The following C1orf198 variants were observed in gnomAD, a reference collection of about 807,000 sequenced individuals.
The protein encoded by C1orf198 is chromosome 1 open reading frame 198.
In C1orf198, 17 loss-of-function variants were observed where a neutral mutation model predicts 31.4. The observed-to-expected ratio is 0.54, with a 90% confidence interval of 0.37 to 0.81. The LOEUF is 0.81. Ranked by LOEUF, C1orf198 falls within the 40% of genes least tolerant of loss-of-function variation. The probability of loss-of-function intolerance (pLI) is 0.00; values close to 1 mark genes in which losing one functional copy is unlikely to be tolerated. For missense variants in C1orf198, 401 were observed against 450.3 expected, an observed-to-expected ratio of 0.89 and a Z score of 0.99; for synonymous variants, 175 against 193.8, an observed-to-expected ratio of 0.90 and a Z score of 0.81.
intron 1 of C1orf198, among the ~76,000 whole-genome samples, chr1:230,863,220 T>C (rs1401876167): frequency 6.6e-6 from 1 of 152,170 alleles, no homozygotes; most frequent in Non-Finnish European, 1.5e-5. Flanking sequence ...CCATGGGGCA[T>C]GTTTTCCACC....
chr1:230,853,281 G>A (rs1669789502), intron 2 of C1orf198, among the ~76,000 whole-genome samples: 1 of 152,134 alleles, frequency 6.6e-6, no homozygotes, highest in African/African-American at 2.4e-5. Flanking sequence ...CAGTTGAGAG[G>A]TAACAAGAAA....
rs1184985901 is a variant in C1orf198 at position 230,843,933 on chromosome 1, G to A, written c.385-37C>T. 6.7e-7 allele frequency: 1 copy of A among 1,492,392 alleles called. No individual in the cohort carries two copies. The highest frequency in any genetic ancestry group is 2.3e-5 in the East Asian group (1 of 43,724). 92.4% of individuals were successfully genotyped at this position (1,492,392 alleles called of 1,614,324 possible). On this transcript the variant is annotated intron_variant, in intron 2 of 3. Coordinates refer to ENST00000366663, the MANE Select transcript of C1orf198 (RefSeq NM_032800.3). The surrounding 1 kb of genome is among the most constrained non-coding windows in gnomAD (Gnocchi z 4.9). ...CATGAGAAAGGACAGAAAAAAGAAA[G>A]AGATCCTGAGAATCGACCGTCACAA...
chr1:230,856,070 T>C (rs1322689204), intron 1 of C1orf198: 2 of 882,694 alleles, frequency 2.3e-6, no homozygotes, highest in Non-Finnish European at 2.8e-6. Flanking sequence ...AATGATTAGC[T>C]GTGTGGCCAT....
rs1406723501 is a variant in C1orf198 at position 230,843,910 on chromosome 1, T to C, written c.385-14A>G. On this transcript the variant is annotated splice_polypyrimidine_tract_variant and intron_variant, in intron 2 of 3. Transcript: ENST00000366663. The surrounding 1 kb of genome is among the most constrained non-coding windows in gnomAD (Gnocchi z 4.9). Reference sequence around the variant, plus strand: ...CTCCATCTGACTCTAGGGTGGGACATGAGAAAGGACAGAAAAAAGAAAGAG... The same window carrying C: ...CTCCATCTGACTCTAGGGTGGGACACGAGAAAGGACAGAAAAAAGAAAGAG... 26 of 1,499,840 alleles carry C rather than the reference T, an allele frequency of 1.7e-5. No individual in the cohort carries two copies. Among genetic ancestry groups the C allele is most frequent in the Admixed American group, 1.6e-4 (7 of 43,786 alleles). The allele number at this position is 1,499,840 out of a possible 1,614,324, so 92.9% of individuals were successfully genotyped here. A position where few individuals can be genotyped will look rare whatever the true frequency, so the allele number is the denominator to read the frequency against.
chr1:230,850,469 G>A (rs564704173), intron 2 of C1orf198, among the ~76,000 whole-genome samples: 8 of 152,364 alleles, frequency 5.3e-5, no homozygotes, highest in East Asian at 1.9e-4. Flanking sequence ...GTGGATAGGG[G>A]TCAGGGGACG....
upstream of C1orf198, chr1:230,868,734 C>T (rs1670189032): frequency 5.2e-6 from 1 of 190,918 alleles, no homozygotes; most frequent in Non-Finnish European, 1.0e-5. Flanking sequence ...CCGCCACCCC[C>T]TCGCGGACCC....
At chr1:230,842,213 T>C (rs1020436407) in intron 3 of C1orf198, among the ~76,000 whole-genome samples, 4 of 152,166 alleles carry the variant, frequency 2.6e-5, no homozygotes, top group African/African-American at 9.7e-5. Context: ...TGGATGGTAG[T>C]GATGGTTACA....
At chr1:230,867,924 G>A (rs917102357) in intron 1 of C1orf198, among the ~76,000 whole-genome samples, 1 of 152,138 alleles carries the variant, frequency 6.6e-6, no homozygotes, top group Non-Finnish European at 1.5e-5. Context: ...TGGAGTCCGT[G>A]CGAGCCGGCG....
At chr1:230,866,281 T>A (rs1011888343) in intron 1 of C1orf198, among the ~76,000 whole-genome samples, 4 of 152,230 alleles carry the variant, frequency 2.6e-5, no homozygotes, top group Non-Finnish European at 5.9e-5. Flanking sequence ...CATGTTCCTA[T>A]GTACCTCTGT....
rs1669495293 is a variant in C1orf198 at position 230,843,288 on chromosome 1, A to T, written c.927+66T>A. The T allele has an allele frequency of 6.6e-7, 1 of 1,508,172 alleles. No individual in the cohort carries two copies. The highest frequency in any genetic ancestry group is 1.3e-5 in the South Asian group (1 of 77,486). The allele number at this position is 1,508,172 out of a possible 1,614,324, so 93.4% of individuals were successfully genotyped here. ...CTGTGGCCTGCCTGCTTTGTGGGGG[A>T]CCCTCTCGGTTCCCGTGGAATAAGG... On this transcript the variant is annotated intron_variant, in intron 3 of 3. Transcript: ENST00000366663. This position sits in a 1 kb window ranked among gnomAD's most constrained non-coding sequence, Gnocchi z 4.9.
intron 2 of C1orf198, among the ~76,000 whole-genome samples, chr1:230,850,960 G>A (rs911606438): frequency 1.3e-5 from 2 of 152,094 alleles, no homozygotes; most frequent in Non-Finnish European, 2.9e-5. Flanking sequence ...CGACCTGCCA[G>A]GCACCTGACC....
rs370190408 is a variant in C1orf198 at position 230,843,950 on chromosome 1, C to T, written c.385-54G>A. 98 of 1,484,890 alleles carry T rather than the reference C, an allele frequency of 6.6e-5. No individual in the cohort carries two copies. In the South Asian group the frequency reaches 1.1e-3, roughly 17 times the overall value. The allele number at this position is 1,484,890 out of a possible 1,614,324, so 92.0% of individuals were successfully genotyped here. A position where few individuals can be genotyped will look rare whatever the true frequency, so the allele number is the denominator to read the frequency against. ...AAAAGAAAGAGATCCTGAGAATCGA[C>T]CGTCACAAGTGTGCCAGCTCACGCA... On this transcript the variant is annotated intron_variant, in intron 2 of 3. Coordinates refer to ENST00000366663, the MANE Select transcript of C1orf198 (RefSeq NM_032800.3). This position sits in a 1 kb window ranked among gnomAD's most constrained non-coding sequence, Gnocchi z 4.9.
intron 1 of C1orf198, among the ~76,000 whole-genome samples, chr1:230,863,270 A>G (rs2102992431): frequency 6.6e-6 from 1 of 152,336 alleles, no homozygotes; most frequent in East Asian, 1.9e-4. Flanking sequence ...CATAGATTAC[A>G]GCAAAACAAA....
intron 2 of C1orf198, among the ~76,000 whole-genome samples, chr1:230,849,131 T>G (rs1326398148): frequency 6.6e-6 from 1 of 152,238 alleles, no homozygotes; most frequent in Non-Finnish European, 1.5e-5. Flanking sequence ...TCCACACTGT[T>G]GGCCACTCCC....
In C1orf198 at chr1:230,837,130, A is replaced by T. The variant is rs1490148058; in HGVS notation, c.*2722T>A. 6.6e-6 allele frequency: 1 copy of T among 152,644 alleles called. No individual in the cohort carries two copies. The highest frequency in any genetic ancestry group is 1.5e-5 in the Non-Finnish European group (1 of 68,038). 9.5% of individuals were successfully genotyped at this position (152,644 alleles called of 1,614,324 possible). A position where few individuals can be genotyped will look rare whatever the true frequency, so the allele number is the denominator to read the frequency against. On this transcript the variant is annotated 3_prime_UTR_variant, in exon 4 of 4. Transcript: ENST00000366663. ...ATCACAGACACAAATAGCATTTTTT[A>T]AATGGCTTTATTAAAGGCTACAAGT...
chr1:230,864,236 C>T (rs1390917231), intron 1 of C1orf198, among the ~76,000 whole-genome samples: 2 of 152,144 alleles, frequency 1.3e-5, no homozygotes, highest in African/African-American at 4.8e-5. Flanking sequence ...TTTTAGAAAG[C>T]AAACCTCTAG....
chr1:230,859,075 C>T (rs957909671), intron 1 of C1orf198, among the ~76,000 whole-genome samples: 1 of 152,106 alleles, frequency 6.6e-6, no homozygotes, highest in African/African-American at 2.4e-5. Context: ...AAGTGCTTAA[C>T]AAAAATAAAC....
chr1:230,838,087 G>C lies in C1orf198; in HGVS notation c.*1765C>G, dbSNP rs1051898680. 1 of 152,264 alleles carries C rather than the reference G, an allele frequency of 6.6e-6. No homozygotes were observed. The highest frequency in any genetic ancestry group is 1.5e-5 in the Non-Finnish European group (1 of 68,074). 9.4% of individuals were successfully genotyped at this position (152,264 alleles called of 1,614,324 possible). On this transcript the variant is annotated 3_prime_UTR_variant, in exon 4 of 4. Transcript: ENST00000366663. The surrounding 1 kb of genome is among the most constrained non-coding windows in gnomAD (Gnocchi z 4.2). The stretch of plus-strand genomic sequence containing the variant: ...CCCCATGCCCTCCAGGCAGAAGGTG[G>C]AGGCAGGTGGCCGCTGATTCTGAGG...
chr1:230,864,371 A>G (rs1349030617), intron 1 of C1orf198, among the ~76,000 whole-genome samples: 2 of 152,160 alleles, frequency 1.3e-5, no homozygotes, highest in African/African-American at 4.8e-5. Flanking sequence ...CCTCTAGCCT[A>G]AGGACTAAGA....
Sources: allele counts gnomAD v4.1 joint callset (sites outside exome capture counted in the v4.1 genomes callset), GRCh38; gene constraint gnomAD v4.1.1; non-coding constraint Gnocchi (gnomAD v3.1); transcripts MANE v1.5; gene names NCBI Gene and HGNC (gene_info 2026-07-23, HGNC 2026-07-21).